The following TWF2 variants were observed in gnomAD, a reference collection of about 807,000 sequenced individuals.
TWF2 encodes the protein twinfilin actin binding protein 2.
TWF2 carries 15 observed loss-of-function variants against 45.1 expected under a neutral mutation model. That is an observed-to-expected ratio of 0.33 (90% CI 0.22 to 0.51). The LOEUF (loss-of-function observed/expected upper bound fraction) is 0.51. Among genes scored for constraint, TWF2 ranks in the 20% least tolerant of loss-of-function variants. The pLI, the probability that TWF2 is intolerant of heterozygous loss-of-function variation, is 0.97. For missense variants in TWF2, 423 were observed against 469.1 expected (o/e 0.90, Z 0.91); for synonymous variants, 177 against 195.8 (o/e 0.90, Z 0.80).
At position 52,231,475 on chromosome 3, in the gene TWF2, T is replaced by C; in HGVS notation, c.347A>G (p.His116Arg). 2 of 1,614,058 alleles carry C rather than the reference T, an allele frequency of 1.2e-6. No individual in the cohort carries two copies. Among genetic ancestry groups the C allele is most frequent in the Non-Finnish European group, 1.7e-6 (2 of 1,179,964 alleles). Residue 116 changes from histidine (H) to arginine (R), a missense_variant, in exon 4 of 9, where the codon CAC becomes CGC. By Grantham distance (29) the His-to-Arg change is conservative. Transcript: ENST00000305533. ...AGTCCCGAAGAGCTCATCCTTGATG[T>C]GGCCACCTCCAAACTCCTTTTTCAC... ...ATVKKEFGGG[H>R]IKDELFGTVK... is the part of the protein sequence containing the mutation.
At chr3:52,236,555 C>T (rs187244161) in intron 1 of TWF2, among the ~76,000 whole-genome samples, 32 of 152,216 alleles carry the variant, frequency 2.1e-4, no homozygotes, top group Admixed American at 9.8e-4. Context: ...AGGGGAATTC[C>T]GTCAGGAACA....
At position 52,239,119 on chromosome 3, in the gene TWF2, T is replaced by C. The variant is rs1699757133; in HGVS notation, c.-103A>G. On this transcript the variant is annotated 5_prime_UTR_variant, in exon 1 of 9. Coordinates refer to ENST00000305533, the MANE Select transcript of TWF2 (RefSeq NM_007284.4). ...GAGGTGGAGGATGTGGCGGAGGCTG[T>C]CGACCCTCGCGCAGCTTCCCGGGCG... The C allele has an allele frequency of 5.0e-6, 7 of 1,406,888 alleles. No individual in the cohort carries two copies. The highest frequency in any genetic ancestry group is 2.9e-5 in the South Asian group (2 of 70,040). The allele number at this position is 1,406,888 out of a possible 1,614,324, so 87.2% of individuals were successfully genotyped here. A position where few individuals can be genotyped will look rare whatever the true frequency, so the allele number is the denominator to read the frequency against.
chr3:52,232,034 C>T lies in TWF2; in HGVS notation c.192G>A (p.Gln64=), dbSNP rs1475927979. The change falls in exon 3 of 9, where the codon CAG becomes CAA. Residue 64 remains glutamine, a synonymous_variant. Coordinates refer to ENST00000305533, the MANE Select transcript of TWF2 (RefSeq NM_007284.4). Reference sequence around the variant, plus strand: ...GGCGGTAGAGCAGGTAGCAGGGCTGCTGGGCGTCCAGCAGTGGCAGCACGG... The same window carrying T: ...GGCGGTAGAGCAGGTAGCAGGGCTGTTGGGCGTCCAGCAGTGGCAGCACGG... ...DRAVLPLLDA[Q]QPCYLLYRLD... 6.2e-7 allele frequency: 1 copy of T among 1,613,890 alleles called. No individual in the cohort carries two copies. Among genetic ancestry groups the T allele is most frequent in the Non-Finnish European group, 8.5e-7 (1 of 1,179,952 alleles).
chr3:52,230,720 G>A (rs1699669661), intron 6 of TWF2, 150 bp downstream of exon 6: 14 of 1,239,610 alleles, frequency 1.1e-5, no homozygotes, highest in South Asian at 4.5e-5. Context: ...GAGGGGTGGG[G>A]TGGACCATGT....
chr3:52,229,232 T>C lies in TWF2; in HGVS notation c.883-31A>G, dbSNP rs112060119. The stretch of plus-strand genomic sequence containing the variant: ...TGGGGCAAGGCAGTGGTCACCCCAA[T>C]GGGAGGGGCTCTGACACACACCACC... On this transcript the variant is annotated intron_variant, in intron 8 of 8. Transcript: ENST00000305533. The C allele has an allele frequency of 4.9e-5, 79 of 1,604,204 alleles. No individual in the cohort carries two copies. The African/African-American group carries it at 9.1e-4, about 18-fold the overall frequency.
At chr3:52,230,568 C>T (rs1699668587) in intron 6 of TWF2, among the ~76,000 whole-genome samples, 1 of 152,094 alleles carries the variant, frequency 6.6e-6, no homozygotes, top group Admixed American at 6.5e-5. Context: ...TCAGTGTGAC[C>T]CCAGGGGTAT....
At chr3:52,235,249 C>T (rs985430974) in intron 1 of TWF2, 143 bp from the exon 2 acceptor site, 3 of 800,122 alleles carry the variant, frequency 3.7e-6, no homozygotes, top group Non-Finnish European at 6.0e-6. Context: ...GAACCTGAGA[C>T]AGCCACTGAA....
intron 2 of TWF2, 60 bp downstream of exon 2, chr3:52,234,969 C>G (rs1699711298): frequency 6.3e-7 from 1 of 1,586,478 alleles, no homozygotes; most frequent in African/African-American, 1.3e-5. Flanking sequence ...CCTTCCCCCA[C>G]CCACAGAGGC....
Position 52,229,131 on chromosome 3 carries a change from G to A in TWF2, c.953C>T (p.Ala318Val). Residue 318 changes from alanine to valine, a missense_variant, in exon 9 of 9, where the codon GCC (alanine) becomes GTC (valine). Physicochemically the swap from Ala to Val is moderately conservative, Grantham distance 64. Coordinates refer to ENST00000305533, the MANE Select transcript of TWF2 (RefSeq NM_007284.4). The part of the protein sequence containing the change: ...LYDEVHPKQH[A>V]FKQAFAKPKG... The stretch of plus-strand genomic sequence containing the variant: ...GGGCTTGGCGAAGGCCTGCTTGAAG[G>A]CGTGTTGCTTGGGGTGCACCTCGTC... 6.2e-7 allele frequency: 1 copy of A among 1,613,652 alleles called. No individual in the cohort carries two copies. The highest frequency in any genetic ancestry group is 1.3e-5 in the African/African-American group (1 of 75,064).
At chr3:52,231,636 G>A (rs761203650) in intron 3 of TWF2, 97 bp from the exon 4 acceptor site, 39 of 1,360,792 alleles carry the variant, frequency 2.9e-5, no homozygotes, top group Non-Finnish European at 3.4e-5. Context: ...GGCTCACTGC[G>A]CTGGCACACC....
At position 52,228,909 on chromosome 3, in the gene TWF2, G is replaced by T. The variant is rs926825011; in HGVS notation, c.*125C>A. 2 of 1,426,066 alleles carry T rather than the reference G, an allele frequency of 1.4e-6. No individual in the cohort carries two copies. Among genetic ancestry groups the T allele is most frequent in the East Asian group, 4.8e-5 (2 of 41,692 alleles). 88.3% of individuals were successfully genotyped at this position (1,426,066 alleles called of 1,614,324 possible). On this transcript the variant is annotated 3_prime_UTR_variant, in exon 9 of 9. Coordinates refer to ENST00000305533, the MANE Select transcript of TWF2 (RefSeq NM_007284.4). ...GGTGGCCCTCGGACGCTGCAAGTGCGTTCAGCTGCCAGCCCTCCTGACCTC... is the reference window on the plus strand; with the variant it reads ...GGTGGCCCTCGGACGCTGCAAGTGCTTTCAGCTGCCAGCCCTCCTGACCTC...
At position 52,229,152 on chromosome 3, in the gene TWF2, T is replaced by C. The variant is rs758088169; in HGVS notation, c.932A>G (p.Glu311Gly). The C allele has an allele frequency of 1.2e-6, 2 of 1,613,206 alleles. No individual in the cohort carries two copies. The highest frequency in any genetic ancestry group is 1.7e-6 in the Non-Finnish European group (2 of 1,180,006). ...AELTAEFLYD[E>G]VHPKQHAFKQ... ...GAAGGCGTGTTGCTTGGGGTGCACCTCGTCGTAGAGGAACTCTGCCGTCAG... is the reference window on the plus strand; with the variant it reads ...GAAGGCGTGTTGCTTGGGGTGCACCCCGTCGTAGAGGAACTCTGCCGTCAG... The change falls in exon 9 of 9, where the codon GAG (glutamate) becomes GGG (glycine). Residue 311 changes from glutamate (E) to glycine (G), a missense_variant. Transcript: ENST00000305533.
Position 52,229,746 on chromosome 3 carries a change from A to T in TWF2, c.797T>A (p.Ile266Asn). ...GCTGGAGTAGAGCATTCGCTCCTTG[A>T]TGCTGCACTTGTACCCCGGCATGGA... is the stretch of plus-strand genomic sequence containing the variant. ...IYSMPGYKCS[I>N]KERMLYSSCK... The change falls in exon 8 of 9, where the codon ATC becomes AAC. Residue 266 changes from isoleucine to asparagine, a missense_variant. Coordinates refer to ENST00000305533, the MANE Select transcript of TWF2 (RefSeq NM_007284.4). The T allele has an allele frequency of 6.2e-7, 1 of 1,613,128 alleles. No individual in the cohort carries two copies. Among genetic ancestry groups the T allele is most frequent in the Non-Finnish European group, 8.5e-7 (1 of 1,179,972 alleles).
chr3:52,233,482 C>T (rs1699697804), intron 2 of TWF2, among the ~76,000 whole-genome samples: 1 of 152,240 alleles, frequency 6.6e-6, no homozygotes, highest in African/African-American at 2.4e-5. Flanking sequence ...CTAGAAAAAT[C>T]AGGCCCTCTG....
rs1699682215 is a variant in TWF2, at chr3:52,231,873, CCCAGGGCAAGGCCTTGTTG to C, written c.282+52_282+70del. On this transcript the variant is annotated intron_variant, in intron 3 of 8. Coordinates refer to ENST00000305533, the MANE Select transcript of TWF2 (RefSeq NM_007284.4). The stretch of plus-strand genomic sequence containing the variant: ...CAGGCCTGTGTCCCCTCTTGGATCC[CCCAGGGCAAGGCCTTGTTG>C]CCTGGCTCAGCCCCAGCTCCCCTCC... 1.9e-6 allele frequency: 3 copies of C among 1,565,546 alleles called. No homozygotes were observed. In the South Asian group the frequency reaches 3.7e-5, roughly 19 times the overall value.
At chr3:52,238,182 CA>C (rs1699744828) in intron 1 of TWF2, among the ~76,000 whole-genome samples, 1 of 152,192 alleles carries the variant, frequency 6.6e-6, no homozygotes, top group Non-Finnish European at 1.5e-5. Context: ...ACTCTCCCCA[CA>C]AAACCCCATA....
intron 1 of TWF2, among the ~76,000 whole-genome samples, chr3:52,238,608 A>C (rs946214451): frequency 4.1e-4 from 62 of 152,230 alleles, no homozygotes; most frequent in African/African-American, 1.5e-3. Flanking sequence ...CCAGTGCATG[A>C]ATGACCCTAG....
At chr3:52,231,844 G>A in intron 3 of TWF2, 100 bp downstream of exon 3, 1 of 1,502,790 alleles carries the variant, frequency 6.7e-7, no homozygotes, top group Non-Finnish European at 9.0e-7. Context: ...CCACCCTCCA[G>A]GGGCAGGCCT....
At chr3:52,235,001 T>A (rs1699711554) in intron 2 of TWF2, 28 bp downstream of exon 2, 2 of 1,611,796 alleles carry the variant, frequency 1.2e-6, no homozygotes, top group Non-Finnish European at 8.5e-7. Flanking sequence ...CCCCCAAGCC[T>A]ATACCCTGGC....
Sources: gnomAD v4.1 joint callset for allele counts (sites outside exome capture counted in the v4.1 genomes callset) on GRCh38, gnomAD v4.1.1 for gene constraint, MANE v1.5 for transcripts, NCBI Gene and HGNC (gene_info 2026-07-23, HGNC 2026-07-21) for gene names.